KAT6B: variants seen among roughly 807,000 people sequenced by gnomAD.
KAT6B encodes the protein histone acetyltransferase KAT6B.
KAT6B carries 10 observed loss-of-function variants against 187.5 expected under a neutral mutation model. The observed-to-expected ratio is 0.05, with a 90% CI of 0.03 to 0.09. The LOEUF (loss-of-function observed/expected upper bound fraction) is 0.09, where lower values mean the gene tolerates loss of function less well. Ranked by LOEUF, KAT6B falls within the 10% of genes least tolerant of loss-of-function variation. KAT6B has a pLI of 1.00. For synonymous variants in KAT6B, 861 were observed against 926.8 expected (o/e 0.93, Z 1.29); for missense variants, 1,952 against 2,558.9 (o/e 0.76, Z 5.12).
At chr10:75,002,315 G>A (rs1355632547) in intron 13 of KAT6B, among the ~76,000 whole-genome samples, 1 of 151,488 alleles carries the variant, frequency 6.6e-6, no homozygotes, top group Non-Finnish European at 1.5e-5. Context: ...GACCATGACA[G>A]CATCTCTTAG....
chr10:74,899,248 A>AATT (rs67324777), intron 3 of KAT6B, among the ~76,000 whole-genome samples: 30,848 of 142,104 alleles, frequency 0.22, 3,672 homozygotes, highest in Middle Eastern at 0.28. Context: ...ATTCTAAATG[A>AATT]ATTATTATTA....
At chr10:74,912,710 G>A (rs560175322) in intron 3 of KAT6B, among the ~76,000 whole-genome samples, 294 of 152,150 alleles carry the variant, frequency 1.9e-3, no homozygotes, top group Non-Finnish European at 3.4e-3. Context: ...ATACAAAGGA[G>A]GATATAATAC....
At chr10:74,932,427 G>A (rs12251425) in intron 3 of KAT6B, among the ~76,000 whole-genome samples, 3,731 of 152,272 alleles carry the variant, frequency 0.025, 157 homozygotes, top group African/African-American at 0.085. Context: ...ATCAAACTCA[G>A]TGAGTCTGAT....
intron 13 of KAT6B, among the ~76,000 whole-genome samples, chr10:75,018,117 G>A (rs1242606393): frequency 2.0e-5 from 3 of 152,198 alleles, no homozygotes; most frequent in Admixed American, 1.3e-4. Flanking sequence ...CTGTGCTCTG[G>A]CTGGAGCTTG....
intron 4 of KAT6B, among the ~76,000 whole-genome samples, chr10:74,965,236 C>G (rs769387429): frequency 2.0e-5 from 3 of 152,228 alleles, no homozygotes; most frequent in Non-Finnish European, 4.4e-5. Context: ...TCCCTCTGTT[C>G]ATGCCATCTT....
In KAT6B at chr10:75,028,874, TGAGGAA is replaced by T. The variant is rs745389441; in HGVS notation, c.4062_4067del (p.Glu1367_Glu1368del). 18 of 1,609,550 alleles carry T rather than the reference TGAGGAA, an allele frequency of 1.1e-5. No individual in the cohort carries two copies. The highest frequency in any genetic ancestry group is 2.7e-5 in the African/African-American group (2 of 73,306). ...AACCAGAAGATGATCTCATCAAACC[TGAGGAA>T]GAGGAAGAGGAGGAGGAGGAGGAAG... On this transcript the variant is annotated inframe_deletion, in exon 18 of 18. Transcript: ENST00000287239.
At chr10:75,011,830 TCA>T (rs1386548829) in intron 13 of KAT6B, among the ~76,000 whole-genome samples, 1 of 152,142 alleles carries the variant, frequency 6.6e-6, no homozygotes, top group Non-Finnish European at 1.5e-5. Context: ...GTGAAGTGTA[TCA>T]CACAGTTGTT....
chr10:74,842,812 GA>G lies in KAT6B; in HGVS notation c.-44del. 6.2e-7 allele frequency: 1 copy of G among 1,608,616 alleles called. No homozygotes were observed. The highest frequency in any genetic ancestry group is 8.5e-7 in the Non-Finnish European group (1 of 1,177,142). ...GTGCAAGTTCTGTTAAATACAAAGA[GA>G]ACCTCTATGGGTAACTTTTGTGTTG... On this transcript the variant is annotated 5_prime_UTR_variant, in exon 3 of 18. It removes the in-frame stop codon of an upstream open reading frame in the 5' UTR. Transcript: ENST00000287239.
chr10:74,944,626 G>C (rs536114478), intron 3 of KAT6B, among the ~76,000 whole-genome samples: 8 of 152,034 alleles, frequency 5.3e-5, no homozygotes, highest in African/African-American at 1.9e-4. Flanking sequence ...TGGCTAAAAC[G>C]GTGAAACCCC....
Position 75,031,082 on chromosome 10 carries a change from A to C in KAT6B, c.*36A>C, listed in dbSNP as rs773564283. On this transcript the variant is annotated 3_prime_UTR_variant, in exon 18 of 18. Transcript: ENST00000287239. The stretch of plus-strand genomic sequence containing the variant: ...CAGTCCACAAAACCTACGGGGCATC[A>C]CTATTGGATTGATCTGCACAAATAC... The C allele has an allele frequency of 9.6e-5, 155 of 1,611,016 alleles. No individual in the cohort carries two copies. The highest frequency in any genetic ancestry group is 1.3e-4 in the Non-Finnish European group (151 of 1,178,446).
intron 3 of KAT6B, among the ~76,000 whole-genome samples, chr10:74,853,510 T>C (rs1842623085): frequency 6.6e-6 from 1 of 151,942 alleles, no homozygotes; most frequent in South Asian, 2.1e-4. Context: ...CCCAGGCTGG[T>C]CTTGAACGCC....
intron 3 of KAT6B, among the ~76,000 whole-genome samples, chr10:74,847,865 A>T (rs1033966421): frequency 6.6e-6 from 1 of 151,132 alleles, no homozygotes; most frequent in African/African-American, 2.4e-5. Flanking sequence ...TCTGAAATAG[A>T]GTGTGAAGTC....
Position 75,028,836 on chromosome 10 carries a change from T to C in KAT6B, c.4012T>C (p.Ser1338Pro), listed in dbSNP as rs1846077586. Residue 1338 changes from serine (S) to proline (P), a missense_variant, in exon 18 of 18, where the codon TCA becomes CCA. By Grantham distance (74) the Ser-to-Pro change is moderately conservative (BLOSUM62 -1). Transcript: ENST00000287239. ...ATGTGCCCCTGTAAGTCCAAACACA[T>C]CACCAGGTGAAAAACCAGAAGATGA... ...ETCAPVSPNTSPGEKPEDDLI... is the reference protein window; with the variant it reads ...ETCAPVSPNTPPGEKPEDDLI... 1 of 1,608,956 alleles carries C rather than the reference T, an allele frequency of 6.2e-7. No individual in the cohort carries two copies. The highest frequency in any genetic ancestry group is 8.5e-7 in the Non-Finnish European group (1 of 1,178,906).
chr10:74,938,394 A>G (rs1352054987), intron 3 of KAT6B, among the ~76,000 whole-genome samples: 2 of 152,124 alleles, frequency 1.3e-5, no homozygotes, highest in Non-Finnish European at 2.9e-5. Flanking sequence ...GGCTCCCTAC[A>G]TAGACTACCA....
intron 3 of KAT6B, among the ~76,000 whole-genome samples, chr10:74,917,593 A>T (rs2133012437): frequency 6.6e-6 from 1 of 152,342 alleles, no homozygotes; most frequent in East Asian, 1.9e-4. Flanking sequence ...CATGGCCCTT[A>T]CCTAATGAGG....
At chr10:74,915,686 T>G (rs1847622365) in intron 3 of KAT6B, among the ~76,000 whole-genome samples, 1 of 152,202 alleles carries the variant, frequency 6.6e-6, no homozygotes, top group Non-Finnish European at 1.5e-5. Flanking sequence ...TCCTTCATCA[T>G]CCGTCTTTCA....
At chr10:74,953,958 T>C (rs143577059) in intron 3 of KAT6B, among the ~76,000 whole-genome samples, 15 of 152,228 alleles carry the variant, frequency 9.9e-5, no homozygotes, top group African/African-American at 3.4e-4. Flanking sequence ...TGCTATCTTA[T>C]TTTGAGATCA....
chr10:74,849,454 G>A (rs1161648898), intron 3 of KAT6B, among the ~76,000 whole-genome samples: 5 of 151,688 alleles, frequency 3.3e-5, no homozygotes, highest in South Asian at 2.1e-4. Context: ...CACCAAGCCC[G>A]GCTAATTTTA....
chr10:74,923,213 G>A (rs1169788149), intron 3 of KAT6B, among the ~76,000 whole-genome samples: 1 of 152,206 alleles, frequency 6.6e-6, no homozygotes, highest in African/African-American at 2.4e-5. Flanking sequence ...ATTAGAAGTA[G>A]TATAGAAAAG....
Sources: gnomAD v4.1 joint callset for allele counts (sites outside exome capture counted in the v4.1 genomes callset) on GRCh38, gnomAD v4.1.1 for gene constraint, MANE v1.5 for transcripts, NCBI Gene and HGNC (gene_info 2026-07-23, HGNC 2026-07-21) for gene names.